Variants in PELI2 observed in about 807,000 individuals in gnomAD.
PELI2 encodes E3 ubiquitin-protein ligase pellino homolog 2.
A neutral mutation model predicts 42.3 loss-of-function variants in PELI2; 23 were observed. That is an observed-to-expected ratio of 0.54 (90% CI 0.39 to 0.77). PELI2 has a LOEUF of 0.77. PELI2 is among the 30% of genes least tolerant of loss of function. PELI2 has a pLI of 0.00. For missense variants in PELI2, 463 were observed against 553.2 expected, an observed-to-expected ratio of 0.84 and a Z score of 1.64; for synonymous variants, 245 against 212.2, an observed-to-expected ratio of 1.15 and a Z score of -1.34.
chr14:56,208,893 G>C (rs915190057), intron 2 of PELI2, among the ~76,000 whole-genome samples: 7 of 152,106 alleles, frequency 4.6e-5, no homozygotes, highest in Non-Finnish European at 7.4e-5. Context: ...TTTTCTATAG[G>C]GAAATTACAG....
rs984370147 is a variant in PELI2, at chr14:56,178,616, C to T, written c.207+152C>T. 7 of 888,456 alleles carry T rather than the reference C, an allele frequency of 7.9e-6. No homozygotes were observed. In the African/African-American group the frequency reaches 1.2e-4, roughly 15 times the overall value. 55.0% of individuals were successfully genotyped at this position (888,456 alleles called of 1,614,324 possible). ...TAATGCTTTGTTGTGAGGGGCTGTG[C>T]TGTGCATTGTAGGGTGTTTAGCAGC... On this transcript the variant is annotated intron_variant, in intron 2 of 5. Transcript: ENST00000267460.
At chr14:56,184,224 G>A (rs1885688509) in intron 2 of PELI2, among the ~76,000 whole-genome samples, 1 of 151,950 alleles carries the variant, frequency 6.6e-6, no homozygotes, top group African/African-American at 2.4e-5. Flanking sequence ...TAACCAATGT[G>A]AATTTTTCCA....
rs532484407 is a variant in PELI2 at position 56,218,660 on chromosome 14, A to G, written c.207+40196A>G. ...TTATTGTTGCGGGTAATGCCTTAAGAAAAATCAGATCCAAGACTGTGTGCA... is the reference window on the plus strand; with the variant it reads ...TTATTGTTGCGGGTAATGCCTTAAGGAAAATCAGATCCAAGACTGTGTGCA... On this transcript the variant is annotated intron_variant, in intron 2 of 5. Transcript: ENST00000267460. Among the ~76,000 whole-genome samples the G allele has an allele frequency of 2.6e-5, 4 of 152,330 alleles. No individual in the cohort carries two copies. The South Asian group carries it at 8.3e-4, about 32-fold the overall frequency.
At chr14:56,272,085 C>G (rs1889126716) in intron 2 of PELI2, among the ~76,000 whole-genome samples, 1 of 151,896 alleles carries the variant, frequency 6.6e-6, no homozygotes, top group African/African-American at 2.4e-5. Flanking sequence ...CAGAAACAAC[C>G]CTAATTATAT....
At chr14:56,217,835 C>T (rs1886966938) in intron 2 of PELI2, among the ~76,000 whole-genome samples, 1 of 152,158 alleles carries the variant, frequency 6.6e-6, no homozygotes, top group African/African-American at 2.4e-5. Flanking sequence ...CTGCTCCATA[C>T]AGTGTTATAC....
At chr14:56,217,469 G>A (rs1426968480) in intron 2 of PELI2, among the ~76,000 whole-genome samples, 2 of 152,186 alleles carry the variant, frequency 1.3e-5, no homozygotes, top group Non-Finnish European at 1.5e-5. Context: ...TGGCAGTGAG[G>A]GGAGGACTGC....
rs138347062 is a variant in PELI2 at position 56,176,476 on chromosome 14, A to G, written c.78-1859A>G. On this transcript the variant is annotated intron_variant, in intron 1 of 5. Coordinates refer to ENST00000267460, the MANE Select transcript of PELI2 (RefSeq NM_021255.3). ...AGAACCACAACTGCATATAAAAGGC[A>G]TGCAGTTAACATAGCATTTTCATTT... 6.5e-3 allele frequency among the ~76,000 whole-genome samples: 986 copies of G among 152,332 alleles called. 13 individuals carry two copies. Among genetic ancestry groups the G allele is most frequent in the African/African-American group, 0.023 (943 of 41,574 alleles).
chr14:56,276,806 GGCCATTTGCCTTAA>G (rs67721103), intron 2 of PELI2, among the ~76,000 whole-genome samples: 36,986 of 151,928 alleles, frequency 0.24, 4,765 homozygotes, highest in Admixed American at 0.33. Context: ...TCCTAACCCT[GGCCATTTGCCTTAA>G]GCAACGTACA....
At chr14:56,125,098 C>T (rs546095671) in intron 1 of PELI2, among the ~76,000 whole-genome samples, 1 of 152,224 alleles carries the variant, frequency 6.6e-6, no homozygotes, top group East Asian at 1.9e-4. Context: ...TGCAGCCCAA[C>T]AAGGCAGAGA....
intron 1 of PELI2, among the ~76,000 whole-genome samples, chr14:56,128,138 AC>A (rs1301386046): frequency 6.6e-6 from 1 of 152,166 alleles, no homozygotes; most frequent in Non-Finnish European, 1.5e-5. Context: ...CACACTAAAC[AC>A]TGATCATTCA....
At chr14:56,253,465 C>T (rs1261279453) in intron 2 of PELI2, among the ~76,000 whole-genome samples, 1 of 152,110 alleles carries the variant, frequency 6.6e-6, no homozygotes, top group Non-Finnish European at 1.5e-5. Context: ...TGATCTCAGA[C>T]CCAAACTCCT....
chr14:56,121,153 AT>A (rs1274201245), intron 1 of PELI2, among the ~76,000 whole-genome samples: 8 of 151,592 alleles, frequency 5.3e-5, no homozygotes, highest in Non-Finnish European at 1.2e-4. Context: ...TTTCAAGTAG[AT>A]TTTCTGAATA....
intron 2 of PELI2, among the ~76,000 whole-genome samples, chr14:56,262,613 A>C (rs1434952188): frequency 6.6e-6 from 1 of 152,210 alleles, no homozygotes; most frequent in African/African-American, 2.4e-5. Context: ...ATGTGAAGTA[A>C]CATTTAAAAT....
intron 1 of PELI2, among the ~76,000 whole-genome samples, chr14:56,138,067 C>T (rs1449587964): frequency 2.6e-5 from 4 of 152,170 alleles, no homozygotes; most frequent in African/African-American, 9.7e-5. Flanking sequence ...CGATGTGGGT[C>T]AGCCAGGCTG....
Position 56,219,621 on chromosome 14 carries a change from C to T in PELI2, c.207+41157C>T, listed in dbSNP as rs1887049911. 6.6e-6 allele frequency among the ~76,000 whole-genome samples: 1 copy of T among 152,168 alleles called. No individual in the cohort carries two copies. The highest frequency in any genetic ancestry group is 6.5e-5 in the Admixed American group (1 of 15,288). On this transcript the variant is annotated intron_variant, in intron 2 of 5. Transcript: ENST00000267460. The surrounding 1 kb of genome is among the most constrained non-coding windows in gnomAD (Gnocchi z 4.1). ...CATAAGAGGCCTCCTTAGTCCTACT[C>T]CCAGGACACATTTGTTCTTGTTTAT...
chr14:56,122,506 G>T (rs1274695211), intron 1 of PELI2, among the ~76,000 whole-genome samples: 1 of 152,088 alleles, frequency 6.6e-6, no homozygotes, highest in Non-Finnish European at 1.5e-5. Flanking sequence ...CTCTCTTGCT[G>T]ACTAATGGCC....
At chr14:56,193,146 C>T (rs1886011492) in intron 2 of PELI2, among the ~76,000 whole-genome samples, 1 of 152,048 alleles carries the variant, frequency 6.6e-6, no homozygotes, top group South Asian at 2.1e-4. Flanking sequence ...GGGGTTAATC[C>T]ATCTTTGTTC....
At chr14:56,250,437 A>G (rs747080762) in intron 2 of PELI2, among the ~76,000 whole-genome samples, 2 of 152,170 alleles carry the variant, frequency 1.3e-5, no homozygotes, top group Non-Finnish European at 2.9e-5. Flanking sequence ...ACAATAGGCC[A>G]TCTGCAAGCT....
chr14:56,200,789 A>C (rs1341226898), intron 2 of PELI2, among the ~76,000 whole-genome samples: 1 of 152,198 alleles, frequency 6.6e-6, no homozygotes, highest in Non-Finnish European at 1.5e-5. Context: ...AGGCCTTAGC[A>C]GAAGAACTGT....
Sources: gnomAD v4.1 joint callset for allele counts (sites outside exome capture counted in the v4.1 genomes callset) on GRCh38, gnomAD v4.1.1 for gene constraint, Gnocchi (gnomAD v3.1) non-coding constraint, MANE v1.5 for transcripts, NCBI Gene and HGNC (gene_info 2026-07-23, HGNC 2026-07-21) for gene names.